Variants in ANO1 observed in about 807,000 individuals in gnomAD.
ANO1 encodes the protein anoctamin-1.
In ANO1, 59 loss-of-function variants were observed where a neutral mutation model predicts 124.0. The observed-to-expected ratio is 0.48, with a 90% CI of 0.39 to 0.59. ANO1 has a LOEUF of 0.59. Among genes scored for constraint, ANO1 ranks in the 20% least tolerant of loss-of-function variants. The pLI, the probability that ANO1 is intolerant of heterozygous loss-of-function variation, is 0.00. For synonymous variants in ANO1, 529 were observed against 532.0 expected (o/e 0.99, Z 0.08); for missense variants, 1,059 against 1,328.0 (o/e 0.80, Z 3.15).
chr11:70,153,777 G>T (rs1191072459), intron 14 of ANO1, among the ~76,000 whole-genome samples: 13 of 152,068 alleles, frequency 8.5e-5, no homozygotes, highest in African/African-American at 3.1e-4. Context: ...TTGTTTGTTT[G>T]TTTTTTGAGA....
intron 1 of ANO1, among the ~76,000 whole-genome samples, chr11:70,083,219 A>G (rs577024557): frequency 2.9e-4 from 44 of 152,312 alleles, no homozygotes; most frequent in African/African-American, 9.9e-4. Context: ...GGTTCACTCT[A>G]TGCTAGGCCC....
chr11:70,015,015 G>A (rs1479356326), intron 1 of ANO1: 1 of 152,110 alleles, frequency 6.6e-6, no homozygotes, highest in African/African-American at 2.4e-5. Flanking sequence ...AGGTGGCCAG[G>A]TCTAGGGTGG....
chr11:70,022,234 A>G (rs1856822607), intron 1 of ANO1, among the ~76,000 whole-genome samples: 1 of 152,170 alleles, frequency 6.6e-6, no homozygotes, highest in South Asian at 2.1e-4. Flanking sequence ...GGGTCTTGGT[A>G]TGGCCTCTTC....
chr11:70,103,397 G>A (rs1312655064), intron 3 of ANO1, among the ~76,000 whole-genome samples: 1 of 152,020 alleles, frequency 6.6e-6, no homozygotes, highest in Non-Finnish European at 1.5e-5. Context: ...AGAGACCCCA[G>A]ACCAAACCCC....
intron 2 of ANO1, among the ~76,000 whole-genome samples, chr11:70,095,405 A>G (rs1396715968): frequency 4.6e-5 from 2 of 43,678 alleles, no homozygotes; most frequent in Non-Finnish European, 1.4e-4. Flanking sequence ...AAAGAAAGAA[A>G]GAAAGAAAGA....
At chr11:69,992,986 C>A (rs782562941) in intron 1 of ANO1, among the ~76,000 whole-genome samples, 1 of 152,208 alleles carries the variant, frequency 6.6e-6, no homozygotes, top group Non-Finnish European at 1.5e-5. Flanking sequence ...AGTAGATGCC[C>A]TCCTGGTAAT....
chr11:70,134,279 T>C (rs184571373), intron 11 of ANO1, among the ~76,000 whole-genome samples: 2 of 152,240 alleles, frequency 1.3e-5, no homozygotes, highest in East Asian at 3.9e-4. Flanking sequence ...TTTCAGGTGG[T>C]CCATAGCATG....
Position 70,126,329 on chromosome 11 carries a change from G to A in ANO1, c.1097+134G>A, listed in dbSNP as rs531207228. On this transcript the variant is annotated intron_variant, in intron 10 of 25. Transcript: ENST00000355303. ...CACATGAAACCTCACGCCAAGCCAC[G>A]AGCCGTCAGGAGGAAAGGACATGGT... 3.5e-5 allele frequency: 41 copies of A among 1,157,986 alleles called. 1 individual carries two copies. In the East Asian group the frequency reaches 3.9e-4, roughly 11 times the overall value. The allele number at this position is 1,157,986 out of a possible 1,614,324, so 71.7% of individuals were successfully genotyped here. A position where few individuals can be genotyped will look rare whatever the true frequency, so the allele number is the denominator to read the frequency against.
intron 1 of ANO1, among the ~76,000 whole-genome samples, chr11:70,013,378 C>A (rs61886394): frequency 0.093 from 14,025 of 150,712 alleles, 992 homozygotes; most frequent in East Asian, 0.4. Context: ...CCACACCAGG[C>A]TTGCCTTTTT....
intron 1 of ANO1, among the ~76,000 whole-genome samples, chr11:70,030,261 G>A (rs1006430081): frequency 4.6e-5 from 7 of 152,202 alleles, no homozygotes; most frequent in African/African-American, 9.7e-5. Flanking sequence ...ATCTGGAGCC[G>A]AGAGCCAGCC....
At chr11:70,076,702 G>A (rs550047373), upstream of ANO1, among the ~76,000 whole-genome samples, 17 of 152,256 alleles carry the variant, frequency 1.1e-4, no homozygotes, top group South Asian at 6.2e-4. Flanking sequence ...ACCCTCTCTC[G>A]CTGTCCAAGG....
At chr11:69,992,674 A>C (rs1188593520) in intron 1 of ANO1, among the ~76,000 whole-genome samples, 13 of 152,260 alleles carry the variant, frequency 8.5e-5, no homozygotes, top group Non-Finnish European at 1.8e-4. Context: ...CTCTCTGGAG[A>C]GAAGATATGT....
At chr11:70,071,894 G>T (rs1267708094) in intron 1 of ANO1, among the ~76,000 whole-genome samples, 1 of 152,108 alleles carries the variant, frequency 6.6e-6, no homozygotes, top group Non-Finnish European at 1.5e-5. Flanking sequence ...AAAGTGCTGG[G>T]ATTACAAGTG....
chr11:69,975,132 T>TG, the ANO1 span, among the ~76,000 whole-genome samples: 1 of 152,104 alleles, frequency 6.6e-6, no homozygotes, highest in African/African-American at 2.4e-5. Context: ...CCTAACCTGC[T>TG]CTCTCCGGGT....
At chr11:70,187,045 T>G (rs2049157208) in intron 25 of ANO1, among the ~76,000 whole-genome samples, 1 of 152,122 alleles carries the variant, frequency 6.6e-6, no homozygotes, top group African/African-American at 2.4e-5. Flanking sequence ...AGTCACTGCT[T>G]TGGGCTGACC....
In ANO1 at chr11:70,048,934, C is replaced by T. The variant is rs76118954; in HGVS notation, c.59-29608C>T. ...GGTTCTTCTTGAATGTCGAGGGCCA[C>T]GCCTGGTGTCTTTGGATCTGTGTGT... On this transcript the variant is annotated intron_variant, in intron 1 of 27. Transcript: ENST00000531349. Among the ~76,000 whole-genome samples, 486 of 152,214 alleles carry T rather than the reference C, an allele frequency of 3.2e-3. 3 individuals carry two copies. The highest frequency in any genetic ancestry group is 0.011 in the African/African-American group (458 of 41,522).
chr11:70,106,090 C>T (rs1408380654), intron 5 of ANO1, among the ~76,000 whole-genome samples: 3 of 152,124 alleles, frequency 2.0e-5, no homozygotes, highest in Admixed American at 6.5e-5. Context: ...CAGCACATGT[C>T]TCAGAGCCGC....
At chr11:69,981,675 T>C (rs7929421), upstream of ANO1, among the ~76,000 whole-genome samples, 113,080 of 152,166 alleles carry the variant, frequency 0.74, 43,433 homozygotes, top group South Asian at 0.9. Flanking sequence ...AGCCCTCCTC[T>C]CCCGCTAGCC....
At chr11:70,070,365 G>A (rs1490524440) in intron 1 of ANO1, among the ~76,000 whole-genome samples, 1 of 152,152 alleles carries the variant, frequency 6.6e-6, no homozygotes, top group East Asian at 1.9e-4. Flanking sequence ...GTCAGGAAGG[G>A]ATTTGAGGAG....
Sources: allele counts gnomAD v4.1 joint callset (sites outside exome capture counted in the v4.1 genomes callset), GRCh38; gene constraint gnomAD v4.1.1; transcripts MANE v1.5; gene names NCBI Gene and HGNC (gene_info 2026-07-23, HGNC 2026-07-21).